The following ZNF717 variants were observed in gnomAD, a reference collection of about 807,000 sequenced individuals.
The protein encoded by ZNF717 is krueppel-like factor X17.
Under a neutral mutation model 13.8 loss-of-function variants are expected in ZNF717, and 9 were observed. The ratio of observed to expected loss-of-function variants is 0.65; its 90% CI spans 0.39 to 1.14. The LOEUF is 1.14. ZNF717 is among the 50% of genes most tolerant of loss of function. The pLI is 0.01. For missense variants in ZNF717, 1,040 were observed against 1,080.7 expected, an observed-to-expected ratio of 0.96 and a Z score of 0.53; for synonymous variants, 327 against 364.1, an observed-to-expected ratio of 0.90 and a Z score of 1.16.
intron 4 of ZNF717, 44 bp from the exon 5 acceptor site, chr3:75,739,389 T>A (rs1158303528): frequency 2.2e-6 from 3 of 1,385,854 alleles, no homozygotes; most frequent in Non-Finnish European, 2.8e-6. Flanking sequence ...CATGAGCATG[T>A]CTTACAGAAT....
chr3:75,762,858 C>G (rs1295244920), intron 2 of ZNF717, among the ~76,000 whole-genome samples: 1 of 152,062 alleles, frequency 6.6e-6, no homozygotes, highest in African/African-American at 2.4e-5. Context: ...AACTTATGGA[C>G]CAACACAACA....
Position 75,738,096 on chromosome 3 carries a change from G to A in ZNF717, c.1527C>T (p.Cys509=). The change falls in exon 5 of 5, where the codon TGC becomes TGT. Residue 509 remains cysteine, a synonymous_variant. Transcript: ENST00000652011. ...AGCGAAAGGTTTTCCCACATTCATT[G>A]CATTCGTAGGGTTTTTCCCCTGTGT... ...WTHTGEKPYE[C]NECGKTFRCK... 3.7e-6 allele frequency: 5 copies of A among 1,349,516 alleles called. No homozygotes were observed. The highest frequency in any genetic ancestry group is 4.9e-6 in the Non-Finnish European group (5 of 1,010,746). The allele number at this position is 1,349,516 out of a possible 1,614,324, so 83.6% of individuals were successfully genotyped here.
chr3:75,774,748 G>A (rs1341955142), intron 2 of ZNF717, among the ~76,000 whole-genome samples: 1 of 149,334 alleles, frequency 6.7e-6, no homozygotes, highest in Non-Finnish European at 1.5e-5. Flanking sequence ...AGCCTCCCAA[G>A]TAGCTGGGAC....
At chr3:75,767,898 A>T (rs2107618373) in intron 2 of ZNF717, among the ~76,000 whole-genome samples, 1 of 152,142 alleles carries the variant, frequency 6.6e-6, no homozygotes, top group East Asian at 1.9e-4. Context: ...AAAGAAAACA[A>T]AAGGAAAAAA....
intron 6 of ZNF717, among the ~76,000 whole-genome samples, chr3:75,702,669 C>T (rs1937719054): frequency 6.6e-6 from 1 of 152,298 alleles, no homozygotes; most frequent in Non-Finnish European, 1.5e-5. Flanking sequence ...ATGGATACAC[C>T]ATTTTTTATT....
chr3:75,722,783 GAC>G (rs1184171420), intron 4 of ZNF717, among the ~76,000 whole-genome samples: 1 of 118,694 alleles, frequency 8.4e-6, no homozygotes, highest in Non-Finnish European at 1.6e-5. Flanking sequence ...CCAGCCTGGT[GAC>G]AGAGTGAAAC....
intron 2 of ZNF717, among the ~76,000 whole-genome samples, chr3:75,752,805 G>C (rs1355386127): frequency 6.6e-6 from 1 of 150,870 alleles, no homozygotes; most frequent in Non-Finnish European, 1.5e-5. Flanking sequence ...TAGGATTTCA[G>C]AACACTGCTC....
At chr3:75,720,455 C>G (rs1938145866) in intron 4 of ZNF717, among the ~76,000 whole-genome samples, 2 of 152,058 alleles carry the variant, frequency 1.3e-5, no homozygotes. Context: ...CAGACGTAAA[C>G]ATGGGAACAA....
At chr3:75,707,537 T>C (rs1937831017), downstream of ZNF717, among the ~76,000 whole-genome samples, 1 of 152,290 alleles carries the variant, frequency 6.6e-6, no homozygotes, top group African/African-American at 2.4e-5. Context: ...GCAGAAGATG[T>C]GTGATTTCCG....
chr3:75,758,112 CAAAAAAAAAAAAAA>C (rs111361124), intron 2 of ZNF717, among the ~76,000 whole-genome samples: 1 of 64,538 alleles, frequency 1.5e-5, no homozygotes, highest in African/African-American at 4.0e-5. Context: ...GACTCCATCT[CAAAAAAAAAAAAAA>C]AAAAAAAAAA....
chr3:75,701,634 G>A (rs1305167487), intron 6 of ZNF717, among the ~76,000 whole-genome samples: 1 of 152,312 alleles, frequency 6.6e-6, no homozygotes, highest in African/African-American at 2.4e-5. Context: ...AGGTTGCAGT[G>A]AGCAGAGATT....
intron 2 of ZNF717, among the ~76,000 whole-genome samples, chr3:75,763,364 C>G (rs1943182632): frequency 1.3e-5 from 2 of 152,198 alleles, no homozygotes; most frequent in South Asian, 4.1e-4. Context: ...ACACCTGAGT[C>G]TGAGATGCTC....
chr3:75,726,357 TCATGCCTGTAATTC>T (rs1242348223), downstream of ZNF717, among the ~76,000 whole-genome samples: 1 of 152,270 alleles, frequency 6.6e-6, no homozygotes, highest in Non-Finnish European at 1.5e-5. Context: ...GCACAGTGGC[TCATGCCTGTAATTC>T]CAGCACTTTG....
At chr3:75,783,388 G>T (rs1320859544) in intron 1 of ZNF717, 24 bp from the exon 2 acceptor site, 2 of 1,541,552 alleles carry the variant, frequency 1.3e-6, no homozygotes, top group South Asian at 2.4e-5. Context: ...CAAATGACGT[G>T]AATTAAGGAG....
At chr3:75,707,814 GCTCAGAGGGTCCTACACC>G (rs1937837107), downstream of ZNF717, among the ~76,000 whole-genome samples, 1 of 152,356 alleles carries the variant, frequency 6.6e-6, no homozygotes, top group Admixed American at 6.5e-5. Flanking sequence ...CCCGCACATG[GCTCAGAGGGTCCTACACC>G]CACGGAGTCC....
intron 2 of ZNF717, among the ~76,000 whole-genome samples, chr3:75,765,128 A>G (rs28786384): frequency 0.027 from 1,773 of 64,908 alleles, no homozygotes; most frequent in Non-Finnish European, 0.04. Flanking sequence ...ACATAACATG[A>G]AACCTACTTA....
At chr3:75,780,825 A>C (rs1415929973) in intron 2 of ZNF717, among the ~76,000 whole-genome samples, 1 of 152,276 alleles carries the variant, frequency 6.6e-6, no homozygotes, top group Non-Finnish European at 1.5e-5. Flanking sequence ...ACATAATCAA[A>C]CTAAGACTTT....
chr3:75,742,662 A>G (rs1826081), intron 2 of ZNF717, among the ~76,000 whole-genome samples: 3,127 of 95,142 alleles, frequency 0.033, no homozygotes, highest in Middle Eastern at 0.11. Context: ...ATGATCCTGG[A>G]CAGTGATGAA....
chr3:75,722,706 T>G (rs1387808613), intron 4 of ZNF717, among the ~76,000 whole-genome samples: 1 of 144,156 alleles, frequency 6.9e-6, no homozygotes, highest in Non-Finnish European at 1.5e-5. Context: ...CCCAGCTATT[T>G]GGGAGGCGGA....
Sources: gnomAD v4.1 joint callset for allele counts (sites outside exome capture counted in the v4.1 genomes callset) on GRCh38, gnomAD v4.1.1 for gene constraint, MANE v1.5 for transcripts, NCBI Gene and HGNC (gene_info 2026-07-23, HGNC 2026-07-21) for gene names.